LCA5L: variants seen among roughly 807,000 people sequenced by gnomAD.
The protein encoded by LCA5L is lebercilin LCA5 like, also known as lebercilin-like protein.
A neutral mutation model predicts 45.4 loss-of-function variants in LCA5L; 35 were observed. That is an observed-to-expected ratio of 0.77 (90% CI 0.59 to 1.02). The LOEUF is 1.02. Among genes scored for constraint, LCA5L ranks in the 50% least tolerant of loss-of-function variants. The probability of loss-of-function intolerance (pLI) is 0.00; values close to 1 mark genes in which losing one functional copy is unlikely to be tolerated. For missense variants in LCA5L, 668 were observed against 761.6 expected (o/e 0.88, Z 1.45); for synonymous variants, 233 against 264.7 (o/e 0.88, Z 1.16).
At chr21:39,436,782 G>A (rs188846143) in intron 2 of LCA5L, among the ~76,000 whole-genome samples, 84 of 152,160 alleles carry the variant, frequency 5.5e-4, no homozygotes, top group South Asian at 2.1e-3. Context: ...CACAGCACCC[G>A]GCCAGTAATT....
rs570460410 is a variant in LCA5L, at chr21:39,442,563, G to A, written c.-246+1572C>T. Among the ~76,000 whole-genome samples, 56 of 152,190 alleles carry A rather than the reference G, an allele frequency of 3.7e-4. No homozygotes were observed. The South Asian group carries it at 0.011, about 31-fold the overall frequency. ...TGAATGAAGGTGGTGGTTTGCACTT[G>A]GGTGTCCACGACAATGAAGAGATGT... On this transcript the variant is annotated intron_variant, in intron 2 of 10. Transcript: ENST00000288350.
chr21:39,423,007 G>A lies in LCA5L; in HGVS notation c.806C>T (p.Thr269Ile), dbSNP rs145628827. ...TTTTTTGTCATTTGCGTCCATTTTT[G>A]TTGTGATAATAGATAATTTATGAGT... ...ELTHKLSIITTKMDANDKKIQ... is the reference protein window; with the variant it reads ...ELTHKLSIITIKMDANDKKIQ... The change falls in exon 6 of 11, where the codon ACA becomes ATA. Residue 269 changes from threonine to isoleucine, a missense_variant. Physicochemically the swap from Thr to Ile is moderately conservative, Grantham distance 89. Coordinates refer to ENST00000288350, the MANE Select transcript of LCA5L (RefSeq NM_152505.4). 1,622 of 1,613,400 alleles carry A rather than the reference G, an allele frequency of 1.0e-3. No individual in the cohort carries two copies. The highest frequency in any genetic ancestry group is 1.3e-3 in the Non-Finnish European group (1,528 of 1,179,850).
At chr21:39,414,010 GCAC>G (rs1411330097) in intron 7 of LCA5L, 1 of 152,258 alleles carries the variant, frequency 6.6e-6, no homozygotes, top group Non-Finnish European at 1.5e-5. Flanking sequence ...TTCAGGTTGG[GCAC>G]CACGACAGAG....
chr21:39,431,563 G>C (rs1195938129), intron 3 of LCA5L, among the ~76,000 whole-genome samples: 3 of 152,028 alleles, frequency 2.0e-5, no homozygotes, highest in African/African-American at 7.3e-5. Flanking sequence ...CTGTCGCCAG[G>C]CTGGAGTGCA....
chr21:39,406,844 GA>G, intron 10 of LCA5L: 1 of 432,174 alleles, frequency 2.3e-6, no homozygotes, highest in Non-Finnish European at 4.1e-6. Flanking sequence ...GAAACCAAAA[GA>G]AAAATGACAT....
At position 39,418,190 on chromosome 21, in the gene LCA5L, G is replaced by A. The variant is rs569855178; in HGVS notation, c.975+2516C>T. Among the ~76,000 whole-genome samples, 4 of 152,248 alleles carry A rather than the reference G, an allele frequency of 2.6e-5. No individual in the cohort carries two copies. The South Asian group carries it at 8.3e-4, about 32-fold the overall frequency. On this transcript the variant is annotated intron_variant, in intron 7 of 10. Transcript: ENST00000288350. ...CACTGGGTCCCTCCCCTGACATGTG[G>A]GAACTGTGGGAGCTACAATTCAAGA...
In LCA5L at chr21:39,410,308, G is replaced by A; in HGVS notation, c.1120C>T (p.His374Tyr). Reference sequence around the variant, plus strand: ...ACATCTGATTTTTGGGTTCCCTGGTGTCTCATACTTGTGAATGGCAAAATT... The same window carrying A: ...ACATCTGATTTTTGGGTTCCCTGGTATCTCATACTTGTGAATGGCAAAATT... ...RKILPFTSMR[H>Y]QGTQKSDVPP... Residue 374 changes from histidine to tyrosine, a missense_variant, in exon 9 of 11, where the codon CAC (histidine) becomes TAC (tyrosine). By Grantham distance (83) the His-to-Tyr change is moderately conservative. Transcript: ENST00000288350. The A allele has an allele frequency of 3.1e-6, 5 of 1,611,068 alleles. No homozygotes were observed. Among genetic ancestry groups the A allele is most frequent in the Non-Finnish European group, 3.4e-6 (4 of 1,179,054 alleles).
chr21:39,423,609 C>T (rs1166495955), intron 5 of LCA5L, 119 bp from the exon 6 acceptor site: 9 of 791,662 alleles, frequency 1.1e-5, no homozygotes, highest in Admixed American at 2.9e-5. Context: ...TACACACAAG[C>T]GTAAGTGTAA....
rs191111620 is a variant in LCA5L, at chr21:39,427,804, A to G, written c.322+368T>C. 438 of 159,416 alleles carry G rather than the reference A, an allele frequency of 2.7e-3. 4 individuals carry two copies. Among genetic ancestry groups the G allele is most frequent in the African/African-American group, 9.7e-3 (407 of 41,830 alleles). The allele number at this position is 159,416 out of a possible 1,614,324, so 9.9% of individuals were successfully genotyped here. On this transcript the variant is annotated intron_variant, in intron 5 of 10. Transcript: ENST00000288350. The stretch of plus-strand genomic sequence containing the variant: ...TTGGGGTGCTGAGATAGGTATTTAC[A>G]TTTCACTGGCAATTCAAACACTGAT...
intron 6 of LCA5L, chr21:39,421,478 A>T (rs1462996848): frequency 2.6e-5 from 4 of 152,186 alleles, no homozygotes; most frequent in African/African-American, 9.7e-5. Context: ...TATAAAAGGG[A>T]CTCAAACCAC....
chr21:39,426,527 G>A lies in LCA5L; in HGVS notation c.322+1645C>T, dbSNP rs548224990. On this transcript the variant is annotated intron_variant, in intron 5 of 10. Transcript: ENST00000288350. ...GGTTTTAAAGGTGAGTGCATATATG[G>A]TATTTTCCACAGTTCTCTCATTGGG... Among the ~76,000 whole-genome samples, 17 of 152,218 alleles carry A rather than the reference G, an allele frequency of 1.1e-4. No individual in the cohort carries two copies. In the East Asian group the frequency reaches 3.3e-3, roughly 29 times the overall value.
At chr21:39,436,271 A>G (rs2076279607) in intron 2 of LCA5L, 1 of 152,220 alleles carries the variant, frequency 6.6e-6, no homozygotes, top group African/African-American at 2.4e-5. Context: ...AGTATTATAT[A>G]CTAAAATGTA....
In LCA5L at chr21:39,429,180, G is replaced by T. The variant is rs145621749; in HGVS notation, c.-60C>A. On this transcript the variant is annotated 5_prime_UTR_variant, in exon 4 of 11. Coordinates refer to ENST00000288350, the MANE Select transcript of LCA5L (RefSeq NM_152505.4). ...GATCCATCTTCTGAGGTCTTTAAAA[G>T]GATTTACCTTTTCATTTAATTCTCA... The T allele has an allele frequency of 6.6e-6, 1 of 152,178 alleles. No homozygotes were observed. The highest frequency in any genetic ancestry group is 1.9e-4 in the East Asian group (1 of 5,166). 9.4% of individuals were successfully genotyped at this position (152,178 alleles called of 1,614,324 possible). A position where few individuals can be genotyped will look rare whatever the true frequency, so the allele number is the denominator to read the frequency against.
chr21:39,424,988 A>G (rs1349856621), intron 5 of LCA5L, among the ~76,000 whole-genome samples: 1 of 152,194 alleles, frequency 6.6e-6, no homozygotes, highest in African/African-American at 2.4e-5. Context: ...GACAGAGCCC[A>G]TTGTCTATGT....
chr21:39,417,789 G>A (rs984928020), intron 7 of LCA5L, among the ~76,000 whole-genome samples: 1 of 151,522 alleles, frequency 6.6e-6, no homozygotes, highest in Non-Finnish European at 1.5e-5. Flanking sequence ...TTTTTGAGAT[G>A]GAGTCTCGCT....
chr21:39,422,135 GAAGA>G (rs887601784), intron 6 of LCA5L: 3 of 152,138 alleles, frequency 2.0e-5, no homozygotes, highest in Admixed American at 6.5e-5. Context: ...TTTAACAACA[GAAGA>G]AATAACTGAG....
chr21:39,414,732 C>CTGTGTGTGTGTGTGTGTGTGTGTG (rs1464601997), intron 7 of LCA5L, among the ~76,000 whole-genome samples: 1 of 110,396 alleles, frequency 9.1e-6, no homozygotes, highest in African/African-American at 3.9e-5. Flanking sequence ...CTCTCTCTCT[C>CTGTGTGTGTGTGTGTGTGTGTGTG]TCTCTCTCTC....
Position 39,428,418 on chromosome 21 carries a change from A to G in LCA5L, c.76T>C (p.Ser26Pro). ...CCTGGGCTTCTCTTGCATGCTGCAG[A>G]CCTCCTATTGTTTTCTAATGCCACG... The part of the protein sequence containing the change: ...FGVALENNRR[S>P]AACKRSPGTG... Residue 26 changes from serine (S) to proline (P), a missense_variant, in exon 5 of 11, where the codon TCT becomes CCT. By Grantham distance (74) the Ser-to-Pro change is moderately conservative. Transcript: ENST00000288350. 6.2e-7 allele frequency: 1 copy of G among 1,612,006 alleles called. No homozygotes were observed. The highest frequency in any genetic ancestry group is 8.5e-7 in the Non-Finnish European group (1 of 1,179,472).
intron 3 of LCA5L, among the ~76,000 whole-genome samples, chr21:39,431,530 T>C (rs1031550340): frequency 2.6e-5 from 4 of 152,042 alleles, no homozygotes; most frequent in African/African-American, 9.7e-5. Flanking sequence ...TTATTTATTT[T>C]ATTTTTGAGA....
Sources: gnomAD v4.1 joint callset for allele counts (sites outside exome capture counted in the v4.1 genomes callset) on GRCh38, gnomAD v4.1.1 for gene constraint, MANE v1.5 for transcripts, NCBI Gene and HGNC (gene_info 2026-07-23, HGNC 2026-07-21) for gene names.